Variants in UXS1 observed in about 807,000 individuals in gnomAD.
UXS1 encodes UDP-glucuronate decarboxylase 1.
UXS1 carries 33 observed loss-of-function variants against 62.6 expected under a neutral mutation model. The observed-to-expected ratio is 0.53, with a 90% CI of 0.40 to 0.70. The LOEUF (loss-of-function observed/expected upper bound fraction) is 0.70, where lower values mean the gene tolerates loss of function less well. Ranked by LOEUF, UXS1 falls within the 30% of genes least tolerant of loss-of-function variation. The pLI, the probability that UXS1 is intolerant of heterozygous loss-of-function variation, is 0.00. For missense variants in UXS1, 434 were observed against 556.3 expected, an observed-to-expected ratio of 0.78 and a Z score of 2.21; for synonymous variants, 213 against 206.8, an observed-to-expected ratio of 1.03 and a Z score of -0.26.
At position 106,154,000 on chromosome 2, in the gene UXS1, G is replaced by T. The variant is rs572707790; in HGVS notation, c.291+4058C>A. Among the ~76,000 whole-genome samples the T allele has an allele frequency of 4.6e-5, 7 of 152,220 alleles. No homozygotes were observed. The South Asian group carries it at 1.5e-3, about 32-fold the overall frequency. Reference sequence around the variant, plus strand: ...ACTAGGCTAAAGAATCAGCAAACTTGGACTGAAAGGGCTTATGCAACCCAA... The same window carrying T: ...ACTAGGCTAAAGAATCAGCAAACTTTGACTGAAAGGGCTTATGCAACCCAA... On this transcript the variant is annotated intron_variant, in intron 5 of 14. Coordinates refer to ENST00000283148, the MANE Select transcript of UXS1 (RefSeq NM_001253875.2).
intron 9 of UXS1, among the ~76,000 whole-genome samples, chr2:106,116,134 A>G (rs1276452558): frequency 6.6e-6 from 1 of 152,216 alleles, no homozygotes; most frequent in Non-Finnish European, 1.5e-5. Flanking sequence ...AGGTGACCCA[A>G]GAGGAGTAAT....
At chr2:106,187,134 A>G (rs1684611279) in intron 1 of UXS1, among the ~76,000 whole-genome samples, 1 of 152,170 alleles carries the variant, frequency 6.6e-6, no homozygotes, top group Admixed American at 6.5e-5. Flanking sequence ...CTGGGCAGAG[A>G]GTATTTGGGT....
intron 3 of UXS1, among the ~76,000 whole-genome samples, chr2:106,163,971 T>G (rs955725457): frequency 2.0e-5 from 3 of 152,222 alleles, no homozygotes; most frequent in Non-Finnish European, 4.4e-5. Context: ...CTAGGAAGAA[T>G]GTAAAAGGTG....
chr2:106,159,199 G>A (rs1010464886), intron 4 of UXS1: 1 of 152,262 alleles, frequency 6.6e-6, no homozygotes, highest in African/African-American at 2.4e-5. Context: ...AGAGCCCACC[G>A]GGCTATAATC....
At chr2:106,147,410 T>A (rs932547875) in intron 5 of UXS1, among the ~76,000 whole-genome samples, 1 of 152,186 alleles carries the variant, frequency 6.6e-6, no homozygotes, top group Admixed American at 6.5e-5. Context: ...GTGAACAGAC[T>A]TCCTTGTCAT....
chr2:106,123,167 C>A, intron 8 of UXS1, 76 bp from the exon 9 acceptor site: 1 of 1,583,200 alleles, frequency 6.3e-7, no homozygotes, highest in Non-Finnish European at 8.6e-7. Context: ...ATTTATGATG[C>A]AAAAGGGAAC....
intron 1 of UXS1, among the ~76,000 whole-genome samples, chr2:106,183,011 A>G (rs1402619523): frequency 6.6e-6 from 1 of 152,202 alleles, no homozygotes; most frequent in African/African-American, 2.4e-5. Flanking sequence ...AAAGAAACCA[A>G]AAGAAAAAAA....
chr2:106,114,527 C>T (rs1678907245), intron 9 of UXS1, among the ~76,000 whole-genome samples: 1 of 152,142 alleles, frequency 6.6e-6, no homozygotes, highest in Non-Finnish European at 1.5e-5. Flanking sequence ...CTGGAAAAAC[C>T]TCAGCAAATT....
intron 5 of UXS1, among the ~76,000 whole-genome samples, chr2:106,154,569 C>T (rs1682283037): frequency 6.6e-6 from 1 of 152,168 alleles, no homozygotes; most frequent in Non-Finnish European, 1.5e-5. Flanking sequence ...GGGAGAAAAG[C>T]ATGGAAAAAA....
intron 1 of UXS1, among the ~76,000 whole-genome samples, chr2:106,173,756 G>C: frequency 6.6e-6 from 1 of 152,214 alleles, no homozygotes. Flanking sequence ...ACAATTTTCA[G>C]GTGCTGTGAA....
chr2:106,138,933 C>G, intron 6 of UXS1: 1 of 964,112 alleles, frequency 1.0e-6, no homozygotes. Flanking sequence ...GTGAGAAATT[C>G]TGAAGGGGAG....
chr2:106,124,803 A>C (rs1409071051), intron 8 of UXS1, among the ~76,000 whole-genome samples: 1 of 152,184 alleles, frequency 6.6e-6, no homozygotes, highest in Non-Finnish European at 1.5e-5. Context: ...GATTACAAAG[A>C]ATATCACTGC....
chr2:106,153,658 G>A (rs1682208553), intron 5 of UXS1, among the ~76,000 whole-genome samples: 2 of 152,038 alleles, frequency 1.3e-5, no homozygotes, highest in Non-Finnish European at 2.9e-5. Flanking sequence ...TACAAGACAT[G>A]CAAAGAAACA....
chr2:106,143,106 AT>A (rs1313306637), intron 6 of UXS1, among the ~76,000 whole-genome samples: 1 of 152,074 alleles, frequency 6.6e-6, no homozygotes, highest in Admixed American at 6.6e-5. Context: ...CATAAAATAA[AT>A]GTTTCTTGCC....
At chr2:106,143,349 C>T (rs1054542844) in intron 6 of UXS1, among the ~76,000 whole-genome samples, 2 of 120,274 alleles carry the variant, frequency 1.7e-5, no homozygotes, top group South Asian at 5.7e-4. Flanking sequence ...GCAGAGCTTG[C>T]AATGAGCTGA....
At chr2:106,140,990 A>G (rs559727360) in intron 6 of UXS1, among the ~76,000 whole-genome samples, 86 of 152,384 alleles carry the variant, frequency 5.6e-4, no homozygotes, top group Non-Finnish European at 1.1e-3. Flanking sequence ...CCAGTGTACC[A>G]TGAAAATGAT....
chr2:106,096,686 C>T (rs1309523837), intron 14 of UXS1, 32 bp downstream of exon 14: 2 of 1,525,478 alleles, frequency 1.3e-6, no homozygotes, highest in Non-Finnish European at 1.8e-6. Flanking sequence ...GAGGCCCCTC[C>T]CCACAAGGCA....
rs55896853 is a variant in UXS1 at position 106,146,772 on chromosome 2, CAAAAAAAAAAAA to C, written c.292-1414_292-1403del. Among the ~76,000 whole-genome samples the C allele has an allele frequency of 5.1e-4, 23 of 45,224 alleles. 1 individual carries two copies. The highest frequency in any genetic ancestry group is 2.4e-3 in the African/African-American group (21 of 8,638). 29.7% of individuals were successfully genotyped at this position (45,224 alleles called of 152,430 possible). A position where few individuals can be genotyped will look rare whatever the true frequency, so the allele number is the denominator to read the frequency against. On this transcript the variant is annotated intron_variant, in intron 5 of 14. Transcript: ENST00000283148. ...CTGGGTGACAGAGAAGACTCCATCT[CAAAAAAAAAAAA>C]AAAAAAAAAAAAGAAGCCATCTGGA...
chr2:106,097,005 G>A (rs1175335269), intron 13 of UXS1, 184 bp from the exon 14 acceptor site: 4 of 712,978 alleles, frequency 5.6e-6, no homozygotes, highest in Non-Finnish European at 1.0e-5. Context: ...TCCAGGGAGT[G>A]CTCCTGCAAC....
Sources: allele counts gnomAD v4.1 joint callset (sites outside exome capture counted in the v4.1 genomes callset), GRCh38; gene constraint gnomAD v4.1.1; transcripts MANE v1.5; gene names NCBI Gene and HGNC (gene_info 2026-07-23, HGNC 2026-07-21).